The following CMBL variants were observed in gnomAD, a reference collection of about 807,000 sequenced individuals.
CMBL encodes carboxymethylenebutenolidase homolog, also known as carboxymethylenebutenolidase homolog (Pseudomonas).
CMBL carries 17 observed loss-of-function variants against 28.7 expected under a neutral mutation model. The ratio of observed to expected loss-of-function variants is 0.59; its 90% CI spans 0.41 to 0.89. CMBL has a LOEUF of 0.89. Among genes scored for constraint, CMBL ranks in the 40% least tolerant of loss-of-function variants. The probability of loss-of-function intolerance (pLI) is 0.00; values close to 1 mark genes in which losing one functional copy is unlikely to be tolerated. For missense variants in CMBL, 310 were observed against 298.5 expected (o/e 1.04, Z -0.28); for synonymous variants, 106 against 101.6 (o/e 1.04, Z -0.26).
intron 1 of CMBL, among the ~76,000 whole-genome samples, chr5:10,302,315 G>A (rs939458446): frequency 2.6e-5 from 4 of 152,116 alleles, no homozygotes; most frequent in East Asian, 1.9e-4. Flanking sequence ...TGGCCAAGGC[G>A]ATTCCAAAGA....
chr5:10,277,616 G>A lies in CMBL; in HGVS notation c.*2837C>T, dbSNP rs1029082217. Among the ~76,000 whole-genome samples, 19 of 151,424 alleles carry A rather than the reference G, an allele frequency of 1.3e-4. No homozygotes were observed. The highest frequency in any genetic ancestry group is 1.2e-3 in the Admixed American group (19 of 15,226). On this transcript the variant is annotated 3_prime_UTR_variant, in exon 6 of 6. Coordinates refer to ENST00000296658, the MANE Select transcript of CMBL (RefSeq NM_138809.4). ...TGTGTCTCTTTCCTTTTTTTAATGG[G>A]GCTATAAGAAAATTTAAAATTACAT...
Position 10,280,354 on chromosome 5 carries a change from C to T in CMBL, c.*99G>A. On this transcript the variant is annotated 3_prime_UTR_variant, in exon 6 of 6. Coordinates refer to ENST00000296658, the MANE Select transcript of CMBL (RefSeq NM_138809.4). ...AATAATCAATTTTAGGATTCCTACA[C>T]TTATTTTATAAAAGTGAAAATTAAA... 1.1e-6 allele frequency: 1 copy of T among 899,932 alleles called. No homozygotes were observed. Among genetic ancestry groups the T allele is most frequent in the South Asian group, 2.2e-5 (1 of 45,974 alleles). 55.7% of individuals were successfully genotyped at this position (899,932 alleles called of 1,614,324 possible).
At chr5:10,306,572 G>T (rs1475024629) in intron 1 of CMBL, among the ~76,000 whole-genome samples, 2 of 152,178 alleles carry the variant, frequency 1.3e-5, no homozygotes, top group Non-Finnish European at 2.9e-5. Flanking sequence ...ACACAGGAAA[G>T]TGGGGTCTAA....
chr5:10,286,515 A>G lies in CMBL; in HGVS notation c.324-19T>C, dbSNP rs942514871. The G allele has an allele frequency of 3.7e-6, 6 of 1,607,650 alleles. No homozygotes were observed. Among genetic ancestry groups the G allele is most frequent in the African/African-American group, 2.7e-5 (2 of 74,812 alleles). On this transcript the variant is annotated intron_variant, in intron 3 of 5. Coordinates refer to ENST00000296658, the MANE Select transcript of CMBL (RefSeq NM_138809.4). ...GATCTCTCTAGAACAGAAAGAAAAA[A>G]TATTCAAGAATCAGGCTTATTTTGT...
chr5:10,290,715 A>G lies in CMBL; in HGVS notation c.48T>C (p.Leu16=). The change falls in exon 2 of 6, where the codon CTT becomes CTC. Residue 16 remains leucine, a synonymous_variant. Transcript: ENST00000296658. ...YPCPCDIGHR[L]EYGGLGREVQ... Reference sequence around the variant, plus strand: ...CTTCACGGCCTAGCCCTCCATACTCAAGTCTGTGGCCAATGTCACACGGAC... The same window carrying G: ...CTTCACGGCCTAGCCCTCCATACTCGAGTCTGTGGCCAATGTCACACGGAC... 6.2e-7 allele frequency: 1 copy of G among 1,614,006 alleles called. No individual in the cohort carries two copies.
rs765106399 is a variant in CMBL at position 10,290,545 on chromosome 5, T to A, written c.215+3A>T. ...AAACAAAGAAACACAACTTTATACA[T>A]ACGTGTATCCATTTCCTGAGATCAT... On this transcript the variant is annotated splice_donor_region_variant and intron_variant, in intron 2 of 5. Transcript: ENST00000296658. 4 of 1,606,202 alleles carry A rather than the reference T, an allele frequency of 2.5e-6. No individual in the cohort carries two copies. In the East Asian group the frequency reaches 8.9e-5, roughly 36 times the overall value.
chr5:10,291,893 A>T (rs2126551882), intron 1 of CMBL: 1 of 152,254 alleles, frequency 6.6e-6, no homozygotes, highest in East Asian at 1.9e-4. Context: ...ACCTATACAC[A>T]AGGAGGCGAT....
intron 5 of CMBL, among the ~76,000 whole-genome samples, chr5:10,281,928 G>C (rs140677195): frequency 0.043 from 6,561 of 152,246 alleles, 448 homozygotes; most frequent in African/African-American, 0.15. Context: ...GGGAGGCCAA[G>C]GCAGGCAGAT....
chr5:10,296,956 G>C (rs560905913), intron 1 of CMBL, among the ~76,000 whole-genome samples: 1 of 151,694 alleles, frequency 6.6e-6, no homozygotes, highest in East Asian at 2.0e-4. Context: ...AGGCCAAAGT[G>C]GGTGGGTTGC....
chr5:10,303,828 TATCACCCAGCCGC>T (rs1315258229), intron 1 of CMBL, among the ~76,000 whole-genome samples: 1 of 152,172 alleles, frequency 6.6e-6, no homozygotes, highest in Non-Finnish European at 1.5e-5. Context: ...CCCACACTGA[TATCACCCAGCCGC>T]ATGACACTGC....
chr5:10,291,521 C>G (rs1434824456), intron 1 of CMBL, among the ~76,000 whole-genome samples: 1 of 151,748 alleles, frequency 6.6e-6, no homozygotes, highest in Non-Finnish European at 1.5e-5. Flanking sequence ...ATTAGCCGGG[C>G]GTGGTGGTGG....
chr5:10,300,736 G>A (rs1034950567), intron 1 of CMBL, among the ~76,000 whole-genome samples: 1 of 151,852 alleles, frequency 6.6e-6, no homozygotes, highest in Non-Finnish European at 1.5e-5. Flanking sequence ...AGAATTCAAG[G>A]CTGCAGTAAG....
intron 1 of CMBL, among the ~76,000 whole-genome samples, chr5:10,299,609 C>T (rs563657794): frequency 1.3e-5 from 2 of 151,906 alleles, no homozygotes; most frequent in South Asian, 4.2e-4. Flanking sequence ...GAGGCCAAGG[C>T]CGGGGGGATC....
intron 1 of CMBL, among the ~76,000 whole-genome samples, chr5:10,291,218 T>G (rs1458513926): frequency 6.6e-6 from 1 of 152,052 alleles, no homozygotes; most frequent in East Asian, 1.9e-4. Flanking sequence ...GACGGGAATT[T>G]GTAAGAGACC....
intron 4 of CMBL, among the ~76,000 whole-genome samples, chr5:10,285,907 C>T (rs1167511316): frequency 6.7e-6 from 1 of 148,362 alleles, no homozygotes; most frequent in Non-Finnish European, 1.5e-5. Context: ...CCATGTTGTC[C>T]AGGCTGGTCT....
chr5:10,283,672 G>A (rs1265064877), intron 4 of CMBL, among the ~76,000 whole-genome samples: 2 of 152,214 alleles, frequency 1.3e-5, no homozygotes, highest in Non-Finnish European at 2.9e-5. Context: ...GGCTGAGACA[G>A]GAGAATTGCT....
rs776602785 is a variant in CMBL at position 10,290,526 on chromosome 5, A to G, written c.215+22T>C. 1.2e-5 allele frequency: 19 copies of G among 1,592,374 alleles called. 1 individual carries two copies. In the South Asian group the frequency reaches 2.1e-4, roughly 18 times the overall value. Reference sequence around the variant, plus strand: ...CTGAAATTTGTATGAATTTAAACAAAGAAACACAACTTTATACATACGTGT... The same window carrying G: ...CTGAAATTTGTATGAATTTAAACAAGGAAACACAACTTTATACATACGTGT... On this transcript the variant is annotated intron_variant, in intron 2 of 5. Transcript: ENST00000296658.
chr5:10,284,371 C>T (rs998571447), intron 4 of CMBL, among the ~76,000 whole-genome samples: 2 of 152,278 alleles, frequency 1.3e-5, no homozygotes, highest in Admixed American at 6.5e-5. Context: ...GTTGAAAATA[C>T]CACAATGAGG....
chr5:10,282,293 AAAAC>A lies in CMBL; in HGVS notation c.467-9_467-6del. 6.4e-7 allele frequency: 1 copy of A among 1,559,940 alleles called. No homozygotes were observed. Among genetic ancestry groups the A allele is most frequent in the Non-Finnish European group, 8.9e-7 (1 of 1,129,844 alleles). On this transcript the variant is annotated splice_region_variant and splice_polypyrimidine_tract_variant and intron_variant, in intron 4 of 5. Transcript: ENST00000296658. ...CTTCAGAATCCTTGACAATGCCTGA[AAAAC>A]AAGCACAGAGGCATGATGTCTGATC...
Sources: gnomAD v4.1 joint callset for allele counts (sites outside exome capture counted in the v4.1 genomes callset) on GRCh38, gnomAD v4.1.1 for gene constraint, MANE v1.5 for transcripts, NCBI Gene and HGNC (gene_info 2026-07-23, HGNC 2026-07-21) for gene names.